Variants in OR6B3 observed in about 807,000 individuals in gnomAD.
OR6B3 encodes olfactory receptor family 6 subfamily B member 3, also known as olfactory receptor 6B3.
For missense variants in OR6B3, 315 were observed against 427.4 expected, an observed-to-expected ratio of 0.74 and a Z score of 2.32; for synonymous variants, 148 against 187.8, an observed-to-expected ratio of 0.79 and a Z score of 1.73.
upstream of OR6B3, among the ~76,000 whole-genome samples, chr2:240,050,488 G>A (rs1245105148): frequency 2.0e-5 from 3 of 152,168 alleles, no homozygotes; most frequent in Non-Finnish European, 4.4e-5. Context: ...GCCGAGGCGG[G>A]CAGATCACCT....
chr2:240,048,099 G>A (rs1360886573), upstream of OR6B3, among the ~76,000 whole-genome samples: 1 of 152,120 alleles, frequency 6.6e-6, no homozygotes, highest in Admixed American at 6.5e-5. Context: ...GGAAATGTAG[G>A]GAGTTGTTAA....
the OR6B3 span, among the ~76,000 whole-genome samples, chr2:240,052,890 C>T: frequency 4.6e-5 from 7 of 152,176 alleles, no homozygotes; most frequent in Admixed American, 4.6e-4. This position sits in a 1 kb window ranked among gnomAD's most constrained non-coding sequence, Gnocchi z 4.5. Flanking sequence ...CGGCTCACCG[C>T]AACCTCCGCC....
At chr2:240,049,231 G>A (rs992591267), upstream of OR6B3, among the ~76,000 whole-genome samples, 2 of 152,136 alleles carry the variant, frequency 1.3e-5, no homozygotes, top group African/African-American at 4.8e-5. Flanking sequence ...GCTAGTTTAG[G>A]AACTTCAAGG....
At chr2:240,049,969 A>G (rs1698235378), upstream of OR6B3, among the ~76,000 whole-genome samples, 1 of 152,148 alleles carries the variant, frequency 6.6e-6, no homozygotes, top group Admixed American at 6.5e-5. Context: ...TTAATAGTAA[A>G]TCATGGTTTT....
At chr2:240,051,720 G>A (rs150308603), upstream of OR6B3, among the ~76,000 whole-genome samples, 651 of 152,282 alleles carry the variant, frequency 4.3e-3, 2 homozygotes, top group African/African-American at 0.01. Context: ...TTATTTCAGC[G>A]GTGCAAAGAG....
upstream of OR6B3, among the ~76,000 whole-genome samples, chr2:240,048,464 G>C (rs1698220357): frequency 6.6e-6 from 1 of 152,146 alleles, no homozygotes. Flanking sequence ...TGTGGGCTGG[G>C]TACGAGCCGG....
chr2:240,050,342 T>C (rs944630048), upstream of OR6B3, among the ~76,000 whole-genome samples: 1 of 152,204 alleles, frequency 6.6e-6, no homozygotes, highest in Non-Finnish European at 1.5e-5. Flanking sequence ...CCCCAAATGG[T>C]CTGTTTCACT....
chr2:240,050,033 G>C (rs1057014514), upstream of OR6B3, among the ~76,000 whole-genome samples: 2 of 150,114 alleles, frequency 1.3e-5, no homozygotes, highest in Non-Finnish European at 3.0e-5. Flanking sequence ...TAGAAATAAA[G>C]GAAATCATAA....
chr2:240,046,771 A>G (rs958484634), intron 1 of OR6B3, among the ~76,000 whole-genome samples, 181 bp downstream of exon 2: 1 of 152,196 alleles, frequency 6.6e-6, no homozygotes, highest in African/African-American at 2.4e-5. Context: ...GAGAGGAGGA[A>G]GTCTAGAACG....
At chr2:240,050,731 A>C, upstream of OR6B3, among the ~76,000 whole-genome samples, 1 of 69,902 alleles carries the variant, frequency 1.4e-5, no homozygotes, top group African/African-American at 1.3e-4. Context: ...CAAAAAAAAA[A>C]AAAAAAGGAA....
chr2:240,050,731 A>G (rs1698247137), upstream of OR6B3, among the ~76,000 whole-genome samples: 1 of 69,898 alleles, frequency 1.4e-5, no homozygotes, highest in Non-Finnish European at 2.5e-5. Context: ...CAAAAAAAAA[A>G]AAAAAAGGAA....
upstream of OR6B3, among the ~76,000 whole-genome samples, chr2:240,049,198 CACCAGGT>C (rs1698227470): frequency 6.6e-6 from 1 of 152,188 alleles, no homozygotes; most frequent in Non-Finnish European, 1.5e-5. Context: ...GCAGGATTAT[CACCAGGT>C]ACCAGGGAGA....
chr2:240,045,398 G>A, exon 2 of OR6B3: 2 of 1,614,104 alleles, frequency 1.2e-6, no homozygotes, highest in South Asian at 1.1e-5. Flanking sequence ...GGATGCGCAG[G>A]ACAGCCAGGG....
chr2:240,046,917 G>C (rs1373147272), intron 1 of OR6B3, 35 bp downstream of exon 2: 1 of 152,204 alleles, frequency 6.6e-6, no homozygotes, highest in Admixed American at 6.5e-5. Context: ...GAGATGGAAA[G>C]TCTGAGACCC....
chr2:240,053,212 G>A, the OR6B3 span, among the ~76,000 whole-genome samples: 59 of 152,300 alleles, frequency 3.9e-4, no homozygotes, highest in Admixed American at 3.9e-3. The surrounding 1 kb of genome is among the most constrained non-coding windows in gnomAD (Gnocchi z 4.1). Flanking sequence ...ATATTGGGAT[G>A]TCATTTATCC....
chr2:240,044,999 TGAA>T (rs996482361), downstream of OR6B3: 7 of 1,407,772 alleles, frequency 5.0e-6, no homozygotes, highest in African/African-American at 1.0e-4. Context: ...GTTTTTTTCC[TGAA>T]GGAGAAAAAT....
At chr2:240,051,215 G>A (rs574233226), upstream of OR6B3, among the ~76,000 whole-genome samples, 1 of 152,152 alleles carries the variant, frequency 6.6e-6, no homozygotes, top group African/African-American at 2.4e-5. Flanking sequence ...ACAGGGGAAG[G>A]GTTGGCGCTA....
In OR6B3 at chr2:240,045,214, G is replaced by A. The variant is rs528699136; in HGVS notation, c.859C>T (p.Pro287Ser). Residue 287 changes from proline (P) to serine (S), a missense_variant, in exon 2 of 2, where the codon CCC (proline) becomes TCC (serine). Transcript: ENST00000641019. Reference sequence around the variant, plus strand: ...TTATTCCTCAGGCAGTATATCAAGGGGTTCAAGATGGGGGTGATAACTGTG... The same window carrying A: ...TTATTCCTCAGGCAGTATATCAAGGAGTTCAAGATGGGGGTGATAACTGTG... 34 of 1,614,218 alleles carry A rather than the reference G, an allele frequency of 2.1e-5. No homozygotes were observed. The South Asian group carries it at 3.2e-4, about 15-fold the overall frequency.
exon 2 of OR6B3, chr2:240,045,915 G>T (rs1381706871): frequency 6.4e-7 from 1 of 1,557,396 alleles, no homozygotes; most frequent in Non-Finnish European, 8.9e-7. Context: ...GTGGAGGGAG[G>T]TGCTGCTCCA....
Sources: allele counts gnomAD v4.1 joint callset (sites outside exome capture counted in the v4.1 genomes callset), GRCh38; gene constraint gnomAD v4.1.1; non-coding constraint Gnocchi (gnomAD v3.1); transcripts MANE v1.5; gene names NCBI Gene and HGNC (gene_info 2026-07-23, HGNC 2026-07-21).